ZNF804A: variants seen among roughly 807,000 people sequenced by gnomAD.
The protein encoded by ZNF804A is zinc finger protein 804A.
A neutral mutation model predicts 16.5 loss-of-function variants in ZNF804A; 2 were observed. The ratio of observed to expected loss-of-function variants is 0.12; its 90% CI spans 0.05 to 0.38. The LOEUF (loss-of-function observed/expected upper bound fraction) is 0.38, where lower values mean the gene tolerates loss of function less well. ZNF804A is among the 10% of genes least tolerant of loss of function. ZNF804A has a pLI of 0.99. For synonymous variants in ZNF804A, 534 were observed against 489.6 expected (o/e 1.09, Z -1.20); for missense variants, 1,473 against 1,390.7 (o/e 1.06, Z -0.94).
intron 1 of ZNF804A, among the ~76,000 whole-genome samples, chr2:184,789,878 G>T: frequency 6.6e-6 from 1 of 151,460 alleles, no homozygotes; most frequent in Non-Finnish European, 1.5e-5. Flanking sequence ...TTTGGGGTTG[G>T]TTTTCTGTTG....
intron 2 of ZNF804A, among the ~76,000 whole-genome samples, chr2:184,871,780 TTTTAG>T (rs1228638664): frequency 6.6e-6 from 1 of 152,038 alleles, no homozygotes. Flanking sequence ...TGATTTAATA[TTTTAG>T]TTTAGTTTAC....
chr2:184,764,596 A>G (rs1333166401), intron 1 of ZNF804A, among the ~76,000 whole-genome samples: 1 of 152,196 alleles, frequency 6.6e-6, no homozygotes, highest in African/African-American at 2.4e-5. Flanking sequence ...ATCCAGGTAT[A>G]TGATTCCCTT....
intron 1 of ZNF804A, among the ~76,000 whole-genome samples, chr2:184,838,508 G>A (rs1170030083): frequency 6.6e-6 from 1 of 151,924 alleles, no homozygotes; most frequent in East Asian, 1.9e-4. Flanking sequence ...GAGATTTCTA[G>A]GAAATTTCTT....
At chr2:184,892,142 A>G (rs1684994766) in intron 2 of ZNF804A, among the ~76,000 whole-genome samples, 1 of 152,186 alleles carries the variant, frequency 6.6e-6, no homozygotes, top group Admixed American at 6.5e-5. Context: ...TGAAAACCAA[A>G]GCAACATTTC....
At position 184,654,168 on chromosome 2, in the gene ZNF804A, T is replaced by A. The variant is rs540615124; in HGVS notation, c.111+55098T>A. On this transcript the variant is annotated intron_variant, in intron 1 of 3. Transcript: ENST00000302277. Reference sequence around the variant, plus strand: ...ACAGATACAGCCTATATCTTCAGCTTTTGCTATAGCCCGGTTCTGATGCCA... The same window carrying A: ...ACAGATACAGCCTATATCTTCAGCTATTGCTATAGCCCGGTTCTGATGCCA... 8.5e-5 allele frequency among the ~76,000 whole-genome samples: 13 copies of A among 152,352 alleles called. No individual in the cohort carries two copies. In the South Asian group the frequency reaches 1.9e-3, roughly 22 times the overall value.
chr2:184,690,463 G>A (rs1425923656), intron 1 of ZNF804A, among the ~76,000 whole-genome samples: 4 of 151,970 alleles, frequency 2.6e-5, no homozygotes, highest in Admixed American at 1.3e-4. Flanking sequence ...TAAACTACAA[G>A]TGAATGGCAA....
chr2:184,641,936 G>A (rs770103728), intron 1 of ZNF804A, among the ~76,000 whole-genome samples: 5 of 152,142 alleles, frequency 3.3e-5, no homozygotes, highest in Non-Finnish European at 5.9e-5. Flanking sequence ...AGAATATTGA[G>A]AGGAGAAATG....
intron 2 of ZNF804A, among the ~76,000 whole-genome samples, chr2:184,869,946 G>T (rs1196335756): frequency 1.3e-5 from 2 of 151,948 alleles, no homozygotes; most frequent in East Asian, 1.9e-4. Flanking sequence ...AAAGAAAGAA[G>T]AAATACAGGG....
chr2:184,930,458 T>C (rs2105841043), intron 2 of ZNF804A, among the ~76,000 whole-genome samples: 1 of 152,332 alleles, frequency 6.6e-6, no homozygotes, highest in Non-Finnish European at 1.5e-5. Context: ...CAAATGAGCA[T>C]TCTTGAAATA....
intron 2 of ZNF804A, among the ~76,000 whole-genome samples, chr2:184,919,000 C>A (rs1397872915): frequency 6.6e-6 from 1 of 152,130 alleles, no homozygotes; most frequent in Non-Finnish European, 1.5e-5. Flanking sequence ...TCTATCAAAC[C>A]AGTTTCTTCA....
chr2:184,835,559 G>A (rs1695330605), intron 1 of ZNF804A, among the ~76,000 whole-genome samples: 1 of 151,700 alleles, frequency 6.6e-6, no homozygotes, highest in Non-Finnish European at 1.5e-5. Flanking sequence ...CAGAGTCCAA[G>A]CCCTGCCTCC....
At chr2:184,829,129 ATTAT>A (rs1337588301) in intron 1 of ZNF804A, among the ~76,000 whole-genome samples, 4 of 151,222 alleles carry the variant, frequency 2.6e-5, no homozygotes, top group Non-Finnish European at 4.4e-5. Flanking sequence ...TGTATCATAT[ATTAT>A]TTATTATACA....
At chr2:184,710,559 G>A (rs1380996557) in intron 1 of ZNF804A, among the ~76,000 whole-genome samples, 2 of 151,688 alleles carry the variant, frequency 1.3e-5, no homozygotes, top group Admixed American at 1.3e-4. Flanking sequence ...AGTTTTAAGT[G>A]TATAATACAG....
intron 1 of ZNF804A, among the ~76,000 whole-genome samples, chr2:184,772,963 A>G (rs1468294292): frequency 2.6e-5 from 3 of 116,850 alleles, no homozygotes; most frequent in South Asian, 4.7e-4. Flanking sequence ...ATACATATAC[A>G]TATATATGTA....
intron 2 of ZNF804A, among the ~76,000 whole-genome samples, chr2:184,915,858 G>A (rs1685441443): frequency 6.6e-6 from 1 of 152,104 alleles, no homozygotes; most frequent in Non-Finnish European, 1.5e-5. Context: ...TGGTAGTAAT[G>A]GGAAAGGAAA....
intron 1 of ZNF804A, among the ~76,000 whole-genome samples, chr2:184,864,282 T>C (rs1300635863): frequency 6.6e-6 from 1 of 152,102 alleles, no homozygotes; most frequent in Non-Finnish European, 1.5e-5. Context: ...AGGATCTTTT[T>C]AACAACCAAC....
At chr2:184,797,401 C>A (rs1178339014) in intron 1 of ZNF804A, among the ~76,000 whole-genome samples, 8 of 152,046 alleles carry the variant, frequency 5.3e-5, no homozygotes, top group Admixed American at 1.3e-4. Flanking sequence ...TCTCTTTTAA[C>A]CACTGTTGCT....
At chr2:184,694,326 A>T (rs2105727324) in intron 1 of ZNF804A, among the ~76,000 whole-genome samples, 1 of 152,204 alleles carries the variant, frequency 6.6e-6, no homozygotes, top group East Asian at 1.9e-4. Context: ...TGTCAAATGG[A>T]GACCACCACA....
intron 1 of ZNF804A, among the ~76,000 whole-genome samples, chr2:184,684,820 G>A (rs1358270376): frequency 6.6e-6 from 1 of 152,060 alleles, no homozygotes; most frequent in African/African-American, 2.4e-5. Flanking sequence ...TTGATTTTCT[G>A]TTCCTGAATT....
Sources: gnomAD v4.1 joint callset for allele counts (sites outside exome capture counted in the v4.1 genomes callset) on GRCh38, gnomAD v4.1.1 for gene constraint, MANE v1.5 for transcripts, NCBI Gene and HGNC (gene_info 2026-07-23, HGNC 2026-07-21) for gene names.